BBS9: variants seen among roughly 807,000 people sequenced by gnomAD.
The protein encoded by BBS9 is protein PTHB1.
BBS9 carries 89 observed loss-of-function variants against 117.7 expected under a neutral mutation model. The ratio of observed to expected loss-of-function variants is 0.76; its 90% CI spans 0.64 to 0.90. BBS9 has a LOEUF of 0.90. Among genes scored for constraint, BBS9 ranks in the 40% least tolerant of loss-of-function variants. BBS9 has a pLI of 0.00. For synonymous variants in BBS9, 379 were observed against 370.9 expected (o/e 1.02, Z -0.25); for missense variants, 982 against 1,042.2 (o/e 0.94, Z 0.80).
intron 19 of BBS9, among the ~76,000 whole-genome samples, chr7:33,488,335 T>G (rs1843394958): frequency 1.8e-5 from 1 of 56,934 alleles, no homozygotes; most frequent in South Asian, 6.1e-4. Context: ...CTTATTAGCC[T>G]TCCCTGTAAC....
intron 4 of BBS9, among the ~76,000 whole-genome samples, chr7:33,175,208 G>T (rs1020578867): frequency 4.6e-5 from 7 of 152,154 alleles, no homozygotes; most frequent in African/African-American, 1.7e-4. Context: ...GGAGGCTGAG[G>T]CAAGAGAATT....
intron 11 of BBS9, 38 bp from the exon 12 acceptor site, chr7:33,344,543 C>T (rs1298601245): frequency 2.6e-5 from 41 of 1,593,924 alleles, no homozygotes; most frequent in Non-Finnish European, 3.4e-5. Context: ...GTAATATTGA[C>T]ATCATTCTTT....
intron 19 of BBS9, among the ~76,000 whole-genome samples, chr7:33,485,511 G>A (rs373208795): frequency 4.7e-4 from 72 of 151,794 alleles, no homozygotes; most frequent in African/African-American, 1.5e-3. Flanking sequence ...GGGTTTCACC[G>A]TGTTAGCCAG....
intron 2 of BBS9, among the ~76,000 whole-genome samples, chr7:33,152,188 C>T (rs1793443127): frequency 1.3e-5 from 2 of 152,268 alleles, no homozygotes; most frequent in Non-Finnish European, 2.9e-5. Flanking sequence ...ATGACTTTAA[C>T]GTATCTTTTT....
At position 33,364,180 on chromosome 7, in the gene BBS9, C is replaced by T. The variant is rs1584500416; in HGVS notation, c.1694-3587C>T. 6.1e-5 allele frequency among the ~76,000 whole-genome samples: 2 copies of T among 32,764 alleles called. 1 individual carries two copies. Among genetic ancestry groups the T allele is most frequent in the South Asian group, 1.8e-3 (2 of 1,082 alleles). 21.5% of individuals were successfully genotyped at this position (32,764 alleles called of 152,430 possible). ...AGCCAGGATGGTCTCGATCTCCTGACCTCGTGATCCGCCCGCCTCGGCCTC... is the reference window on the plus strand; with the variant it reads ...AGCCAGGATGGTCTCGATCTCCTGATCTCGTGATCCGCCCGCCTCGGCCTC... On this transcript the variant is annotated intron_variant, in intron 16 of 22. Coordinates refer to ENST00000242067, the MANE Select transcript of BBS9 (RefSeq NM_198428.3).
intron 21 of BBS9, among the ~76,000 whole-genome samples, chr7:33,597,898 A>C (rs79827164): frequency 0.011 from 1,628 of 151,828 alleles, 32 homozygotes; most frequent in African/African-American, 0.037. Flanking sequence ...CAAAACAAAA[A>C]CAAATAGAAG....
At chr7:33,356,973 A>G (rs1453375847) in intron 15 of BBS9, among the ~76,000 whole-genome samples, 3 of 151,828 alleles carry the variant, frequency 2.0e-5, no homozygotes, top group Non-Finnish European at 4.4e-5. Flanking sequence ...CCAGTCAAAA[A>G]CAGAGTTCTA....
chr7:33,599,639 A>G (rs1419431543), intron 21 of BBS9, among the ~76,000 whole-genome samples: 2 of 152,186 alleles, frequency 1.3e-5, no homozygotes, highest in Non-Finnish European at 1.5e-5. Context: ...TGTAGTCTCC[A>G]ATTTATAAAT....
rs144426655 is a variant in BBS9, at chr7:33,553,588, T to C, written c.2521+19412T>C. Among the ~76,000 whole-genome samples the C allele has an allele frequency of 2.5e-3, 374 of 152,292 alleles. 2 individuals are homozygous for C. Among genetic ancestry groups the C allele is most frequent in the African/African-American group, 8.4e-3 (350 of 41,562 alleles). ...CTTCCAGACCTACAAATTGTACCAA[T>C]TGTACTGTGGCCTCTTAAAGATAAA... On this transcript the variant is annotated intron_variant, in intron 21 of 22. Transcript: ENST00000242067.
chr7:33,505,327 C>A, intron 19 of BBS9, 136 bp from the exon 20 acceptor site: 1 of 874,604 alleles, frequency 1.1e-6, no homozygotes, highest in Non-Finnish European at 1.9e-6. Context: ...TCTTTTATTA[C>A]TTAACATAGC....
At chr7:33,445,692 C>T (rs1261386958) in intron 19 of BBS9, among the ~76,000 whole-genome samples, 1 of 152,110 alleles carries the variant, frequency 6.6e-6, no homozygotes, top group East Asian at 1.9e-4. Flanking sequence ...ATTGTAATCC[C>T]CATAATCCCC....
At chr7:33,331,661 C>CA (rs34096023) in intron 9 of BBS9, among the ~76,000 whole-genome samples, 30,051 of 116,490 alleles carry the variant, frequency 0.26, 3,505 homozygotes, top group East Asian at 0.48. Context: ...TTACAACTGC[C>CA]AAAAAAAAAA....
rs544823483 is a variant in BBS9 at position 33,266,737 on chromosome 7, A to ATATT, written c.702+2381_702+2384dup. Among the ~76,000 whole-genome samples, 483 of 151,590 alleles carry ATATT rather than the reference A, an allele frequency of 3.2e-3. 1 individual carries two copies. Among genetic ancestry groups the ATATT allele is most frequent in the African/African-American group, 0.011 (455 of 41,326 alleles). ...CTTGGAAATATGTCTATCTATATCT[A>ATATT]TATTTATTTATTTATTTATTTTTGA... is the stretch of plus-strand genomic sequence containing the variant. On this transcript the variant is annotated intron_variant, in intron 7 of 22. Transcript: ENST00000242067.
chr7:33,335,230 T>C (rs1333263914), intron 9 of BBS9, among the ~76,000 whole-genome samples: 1 of 152,220 alleles, frequency 6.6e-6, no homozygotes, highest in African/African-American at 2.4e-5. Flanking sequence ...CTCTCACAAT[T>C]TTTCTATTTT....
chr7:33,572,085 C>T lies in BBS9; in HGVS notation c.2522-32780C>T, dbSNP rs184589518. 5.3e-5 allele frequency among the ~76,000 whole-genome samples: 8 copies of T among 152,142 alleles called. No individual in the cohort carries two copies. In the East Asian group the frequency reaches 1.5e-3, roughly 29 times the overall value. The stretch of plus-strand genomic sequence containing the variant: ...TTTACTATCCAAACCTTTTTATCCC[C>T]TGCTCCTCACTACCCTCCCAGCCTC... On this transcript the variant is annotated intron_variant, in intron 21 of 22. Coordinates refer to ENST00000242067, the MANE Select transcript of BBS9 (RefSeq NM_198428.3).
At chr7:33,403,592 T>C (rs915913463) in intron 19 of BBS9, among the ~76,000 whole-genome samples, 4 of 151,388 alleles carry the variant, frequency 2.6e-5, no homozygotes, top group Non-Finnish European at 5.9e-5. Flanking sequence ...TGCGATAGTT[T>C]ACTGAGAATG....
intron 21 of BBS9, among the ~76,000 whole-genome samples, chr7:33,540,214 A>T (rs977786312): frequency 2.0e-5 from 3 of 152,186 alleles, no homozygotes; most frequent in Non-Finnish European, 4.4e-5. Context: ...AGTGTTGGAA[A>T]CTGGCCAACC....
At chr7:33,449,827 G>A (rs567274809) in intron 19 of BBS9, among the ~76,000 whole-genome samples, 5 of 152,058 alleles carry the variant, frequency 3.3e-5, no homozygotes, top group South Asian at 2.1e-4. Flanking sequence ...CTTCCATCCC[G>A]CCCTCCCTTT....
intron 6 of BBS9, among the ~76,000 whole-genome samples, chr7:33,262,439 T>C (rs1242717585): frequency 6.6e-6 from 1 of 152,142 alleles, no homozygotes; most frequent in African/African-American, 2.4e-5. Context: ...CAGGACAAGC[T>C]TTGGGATGAT....
Sources: allele counts gnomAD v4.1 joint callset (sites outside exome capture counted in the v4.1 genomes callset), GRCh38; gene constraint gnomAD v4.1.1; transcripts MANE v1.5; gene names NCBI Gene and HGNC (gene_info 2026-07-23, HGNC 2026-07-21).